CHSY3: variants seen among roughly 807,000 people sequenced by gnomAD.
CHSY3 encodes the protein N-acetylgalactosaminyl-proteoglycan 3-beta-glucuronosyltransferase 3.
In CHSY3, 35 loss-of-function variants were observed where a neutral mutation model predicts 67.2. The ratio of observed to expected loss-of-function variants is 0.52; its 90% CI spans 0.40 to 0.69. The LOEUF (loss-of-function observed/expected upper bound fraction) is 0.69, where lower values mean the gene tolerates loss of function less well. CHSY3 is among the 30% of genes least tolerant of loss of function. The pLI is 0.00. For missense variants in CHSY3, 1,069 were observed against 1,138.5 expected (o/e 0.94, Z 0.88); for synonymous variants, 474 against 434.7 (o/e 1.09, Z -1.12).
rs1226202467 is a variant in CHSY3, at chr5:130,184,677, G to A, written c.1535G>A (p.Ser512Asn). 6.2e-7 allele frequency: 1 copy of A among 1,606,390 alleles called. No homozygotes were observed. The highest frequency in any genetic ancestry group is 8.5e-7 in the Non-Finnish European group (1 of 1,173,026). Residue 512 changes from serine (S) to asparagine (N), a missense_variant, in exon 3 of 3, where the codon AGC becomes AAC. Physicochemically the swap from Ser to Asn is conservative, Grantham distance 46. Around this residue, in one of 5 missense-constraint regions of CHSY3, gnomAD observed 401 missense variants for 395.2 expected, o/e 1.01. Coordinates refer to ENST00000305031, the MANE Select transcript of CHSY3 (RefSeq NM_175856.5). ...VMEMINENAK[S>N]RGRLIDFKEI... ...GAGATGATCAATGAGAATGCCAAGA[G>A]CAGAGGACGGCTCATTGACTTCAAG...
At chr5:130,150,247 A>T (rs1769197159) in intron 2 of CHSY3, among the ~76,000 whole-genome samples, 2 of 152,294 alleles carry the variant, frequency 1.3e-5, no homozygotes, top group African/African-American at 4.8e-5. Flanking sequence ...GCAAAGTTTT[A>T]GGTCTAACAA....
At chr5:130,172,301 CTT>C (rs1341313357) in intron 2 of CHSY3, among the ~76,000 whole-genome samples, 1 of 112,062 alleles carries the variant, frequency 8.9e-6, no homozygotes, top group South Asian at 3.4e-4. Context: ...TTATTTAACT[CTT>C]TTTTTTCTTT....
intron 2 of CHSY3, among the ~76,000 whole-genome samples, chr5:130,137,983 G>A (rs1171703057): frequency 6.6e-6 from 1 of 151,810 alleles, no homozygotes; most frequent in Non-Finnish European, 1.5e-5. Flanking sequence ...TGTAAATTTG[G>A]TAGCCAATTG....
At chr5:130,024,019 T>G (rs1341372072) in intron 2 of CHSY3, among the ~76,000 whole-genome samples, 2 of 151,556 alleles carry the variant, frequency 1.3e-5, no homozygotes, top group African/African-American at 4.8e-5. Flanking sequence ...TCTTAAAGTT[T>G]TTAAACAGTT....
chr5:130,165,972 G>T (rs759003565), intron 2 of CHSY3, among the ~76,000 whole-genome samples: 65 of 152,006 alleles, frequency 4.3e-4, no homozygotes, highest in Admixed American at 9.2e-4. Context: ...AAACAATTCT[G>T]TAAACAGTAT....
At chr5:130,020,455 ATATATATTTT>A (rs1263724090) in intron 2 of CHSY3, among the ~76,000 whole-genome samples, 18 of 3,294 alleles carry the variant, frequency 5.5e-3, no homozygotes, top group African/African-American at 0.016. Flanking sequence ...ATATATATAT[ATATATATTTT>A]TTTTTTTTTT....
chr5:130,014,082 A>G (rs1436062868), intron 2 of CHSY3, among the ~76,000 whole-genome samples: 3 of 152,134 alleles, frequency 2.0e-5, no homozygotes, highest in Admixed American at 2.0e-4. Flanking sequence ...TCCATTTCCC[A>G]AGAAGTTTCT....
At chr5:130,001,779 G>T in intron 2 of CHSY3, 1 of 834,464 alleles carries the variant, frequency 1.2e-6, no homozygotes, top group Non-Finnish European at 1.4e-6. Context: ...TGCCCTCGCT[G>T]ATAGTTTCCT....
chr5:130,106,433 G>C (rs574064203), intron 2 of CHSY3, among the ~76,000 whole-genome samples: 1 of 151,550 alleles, frequency 6.6e-6, no homozygotes, highest in African/African-American at 2.4e-5. Context: ...ACCTACTTTT[G>C]TGTGCTAGGC....
intron 2 of CHSY3, among the ~76,000 whole-genome samples, chr5:130,170,704 T>C (rs1025287803): frequency 3.9e-5 from 6 of 152,168 alleles, no homozygotes; most frequent in Non-Finnish European, 7.4e-5. Context: ...TGATATCTCA[T>C]TGTAGTTTTA....
At chr5:129,985,986 T>C (rs1763189392) in intron 2 of CHSY3, among the ~76,000 whole-genome samples, 1 of 152,156 alleles carries the variant, frequency 6.6e-6, no homozygotes, top group South Asian at 2.1e-4. Context: ...AGAGAGATGG[T>C]TTGACTTCCC....
intron 2 of CHSY3, among the ~76,000 whole-genome samples, chr5:130,044,420 A>G (rs1050110439): frequency 6.6e-6 from 1 of 152,202 alleles, no homozygotes; most frequent in African/African-American, 2.4e-5. Context: ...TGTGGCAGAT[A>G]CACATCAGAT....
intron 2 of CHSY3, among the ~76,000 whole-genome samples, chr5:129,970,717 CATACTT>C (rs1266202285): frequency 2.0e-5 from 3 of 151,686 alleles, no homozygotes; most frequent in South Asian, 2.1e-4. Flanking sequence ...TAATTTTTCT[CATACTT>C]ATAAAGAAGA....
intron 2 of CHSY3, among the ~76,000 whole-genome samples, chr5:130,045,560 C>T (rs1296532895): frequency 6.6e-6 from 1 of 152,000 alleles, no homozygotes; most frequent in Non-Finnish European, 1.5e-5. Flanking sequence ...AAACTAATCC[C>T]GAGAGCATCC....
At chr5:130,046,977 T>C (rs115522298) in intron 2 of CHSY3, among the ~76,000 whole-genome samples, 1,702 of 151,698 alleles carry the variant, frequency 0.011, 36 homozygotes, top group African/African-American at 0.038. Flanking sequence ...TAAAATATGG[T>C]ATTGTTTCTC....
intron 2 of CHSY3, among the ~76,000 whole-genome samples, chr5:130,049,945 C>T (rs764089272): frequency 2.6e-5 from 4 of 151,980 alleles, no homozygotes; most frequent in Non-Finnish European, 4.4e-5. Flanking sequence ...TGTACTTCTT[C>T]GACTGCCTTG....
At chr5:129,935,227 A>G (rs1761448585) in intron 2 of CHSY3, among the ~76,000 whole-genome samples, 1 of 152,198 alleles carries the variant, frequency 6.6e-6, no homozygotes, top group Admixed American at 6.5e-5. Context: ...TCTGATCACA[A>G]ACATGGAAGA....
chr5:130,154,950 G>A (rs1384996688), intron 2 of CHSY3, among the ~76,000 whole-genome samples: 1 of 152,106 alleles, frequency 6.6e-6, no homozygotes, highest in African/African-American at 2.4e-5. Context: ...CACTAGGTTT[G>A]GGGTGGGGCC....
At chr5:129,991,079 A>G (rs1763349459) in intron 2 of CHSY3, among the ~76,000 whole-genome samples, 1 of 152,144 alleles carries the variant, frequency 6.6e-6, no homozygotes, top group Non-Finnish European at 1.5e-5. Flanking sequence ...AGAACTGAGT[A>G]AAATGAGAAG....
Sources: allele counts gnomAD v4.1 joint callset (sites outside exome capture counted in the v4.1 genomes callset), GRCh38; gene constraint gnomAD v4.1.1; regional missense constraint gnomAD v4.1.1; transcripts MANE v1.5; gene names NCBI Gene and HGNC (gene_info 2026-07-23, HGNC 2026-07-21).